Variants in EPB41 observed in about 807,000 individuals in gnomAD.
EPB41 encodes erythrocyte membrane protein band 4.1.
EPB41 carries 65 observed loss-of-function variants against 108.0 expected under a neutral mutation model. The observed-to-expected ratio is 0.60, with a 90% CI of 0.49 to 0.74. The LOEUF is 0.74. Among genes scored for constraint, EPB41 ranks in the 30% least tolerant of loss-of-function variants. The pLI is 0.00. For synonymous variants in EPB41, 336 were observed against 358.9 expected, an observed-to-expected ratio of 0.94 and a Z score of 0.72; for missense variants, 875 against 1,037.0, an observed-to-expected ratio of 0.84 and a Z score of 2.15.
At chr1:28,908,696 C>A (rs1170340230) in intron 1 of EPB41, among the ~76,000 whole-genome samples, 2 of 150,550 alleles carry the variant, frequency 1.3e-5, no homozygotes, top group African/African-American at 4.9e-5. Flanking sequence ...TCCCAAAGTG[C>A]TGGGATTACA....
At chr1:29,012,187 G>A (rs1053057149) in intron 5 of EPB41, among the ~76,000 whole-genome samples, 1 of 151,860 alleles carries the variant, frequency 6.6e-6, no homozygotes, top group East Asian at 1.9e-4. Context: ...AACAGAAGGT[G>A]GAAAAGAACA....
At chr1:28,948,548 A>G (rs2148917007) in intron 1 of EPB41, among the ~76,000 whole-genome samples, 1 of 151,766 alleles carries the variant, frequency 6.6e-6, no homozygotes, top group Non-Finnish European at 1.5e-5. Flanking sequence ...TGAAGCAGCA[A>G]CTATTGGAGG....
At chr1:28,957,104 C>G (rs1228985658) in intron 1 of EPB41, among the ~76,000 whole-genome samples, 1 of 152,236 alleles carries the variant, frequency 6.6e-6, no homozygotes, top group Admixed American at 6.5e-5. Context: ...GAAGCTTTTG[C>G]ATTAAAGCTT....
At position 29,009,392 on chromosome 1, in the gene EPB41, C is replaced by T. The variant is rs572465753; in HGVS notation, c.787-2473C>T. Among the ~76,000 whole-genome samples, 15 of 152,258 alleles carry T rather than the reference C, an allele frequency of 9.9e-5. No individual in the cohort carries two copies. In the South Asian group the frequency reaches 2.9e-3, roughly 29 times the overall value. ...TACCCTGGAGTCTTTATATGATTGACACAAAAGTGGGTTTGCCTTCCCTAT... is the reference window on the plus strand; with the variant it reads ...TACCCTGGAGTCTTTATATGATTGATACAAAAGTGGGTTTGCCTTCCCTAT... On this transcript the variant is annotated intron_variant, in intron 4 of 20. Transcript: ENST00000343067.
chr1:29,092,742 C>A (rs768607017), intron 16 of EPB41, among the ~76,000 whole-genome samples: 55 of 152,166 alleles, frequency 3.6e-4, no homozygotes, highest in Admixed American at 7.9e-4. Flanking sequence ...CTGTTGTTCC[C>A]CTCCTTGTAT....
intron 9 of EPB41, among the ~76,000 whole-genome samples, chr1:29,035,413 A>G (rs926760372): frequency 7.9e-5 from 12 of 152,230 alleles, no homozygotes; most frequent in African/African-American, 2.4e-4. Flanking sequence ...TTTCTATTGC[A>G]TAATAATATT....
chr1:29,021,939 C>T (rs953822904), intron 7 of EPB41, among the ~76,000 whole-genome samples: 3 of 152,026 alleles, frequency 2.0e-5, no homozygotes, highest in East Asian at 1.9e-4. Context: ...TATGATTATT[C>T]GGACTCGGTT....
chr1:28,979,542 G>A (rs765172866), intron 1 of EPB41, among the ~76,000 whole-genome samples: 10 of 151,396 alleles, frequency 6.6e-5, no homozygotes, highest in African/African-American at 1.2e-4. Context: ...TACACTTGTC[G>A]ATATTGAGGT....
intron 1 of EPB41, among the ~76,000 whole-genome samples, chr1:28,963,052 GTGACAGTAGTCTTAAT>G (rs1557834101): frequency 6.6e-6 from 1 of 152,082 alleles, no homozygotes; most frequent in African/African-American, 2.4e-5. Flanking sequence ...TGCTTGGTGA[GTGACAGTAGTCTTAAT>G]TGAACTAAAT....
chr1:29,082,265 C>G (rs1365355748), intron 16 of EPB41, among the ~76,000 whole-genome samples: 1 of 152,040 alleles, frequency 6.6e-6, no homozygotes, highest in Admixed American at 6.6e-5. Context: ...GCTGGGATTA[C>G]AGACACCCGC....
rs759017118 is a variant in EPB41, at chr1:29,039,329, T to C, written c.1539T>C (p.Thr513=). 1 of 1,614,170 alleles carries C rather than the reference T, an allele frequency of 6.2e-7. No individual in the cohort carries two copies. The highest frequency in any genetic ancestry group is 8.5e-7 in the Non-Finnish European group (1 of 1,180,042). ...CCAAATTTCGATACAGTGGCCGGAC[T>C]CAAGCTCAGACCAGGCAAGCTAGTG... ...LGSKFRYSGR[T]QAQTRQASAL... Residue 513 remains threonine (T), a synonymous_variant, in exon 11 of 21, where the codon ACT becomes ACC. Transcript: ENST00000343067.
chr1:29,070,676 A>T, intron 16 of EPB41: 6 of 1,231,546 alleles, frequency 4.9e-6, no homozygotes, highest in Non-Finnish European at 6.1e-6. Flanking sequence ...CTTGGCTTCA[A>T]CTGTGTTATT....
At chr1:28,926,057 ATT>A (rs2148408710) in intron 1 of EPB41, among the ~76,000 whole-genome samples, 1 of 151,662 alleles carries the variant, frequency 6.6e-6, no homozygotes, top group South Asian at 2.1e-4. Context: ...TCAAAAAAAA[ATT>A]ATAGGCCAGA....
At position 29,058,580 on chromosome 1, in the gene EPB41, TA is replaced by T. The variant is rs1238296139; in HGVS notation, c.1846-6del. ...AAATGTTTTTACTACTTTTATTTCT[TA>T]AATGTAGGTGGAAAAAACCCACATC... On this transcript the variant is annotated splice_polypyrimidine_tract_variant and splice_region_variant and intron_variant, in intron 12 of 20. Coordinates refer to ENST00000343067, the MANE Select transcript of EPB41 (RefSeq NM_001376013.1). 1 of 1,612,490 alleles carries T rather than the reference TA, an allele frequency of 6.2e-7. No individual in the cohort carries two copies. Among genetic ancestry groups the T allele is most frequent in the South Asian group, 1.1e-5 (1 of 90,766 alleles).
chr1:28,922,735 C>A (rs2093188154), intron 1 of EPB41, among the ~76,000 whole-genome samples: 1 of 150,480 alleles, frequency 6.6e-6, no homozygotes, highest in African/African-American at 2.5e-5. Flanking sequence ...TCAAGCAATT[C>A]TTCTGCCTCA....
chr1:28,898,892 T>C (rs981883198), intron 1 of EPB41, among the ~76,000 whole-genome samples: 1 of 152,228 alleles, frequency 6.6e-6, no homozygotes, highest in Non-Finnish European at 1.5e-5. Context: ...ATTTTTTTTT[T>C]CCTCTGGGAG....
In EPB41 at chr1:28,938,868, GT is replaced by G. The variant is rs1195719554; in HGVS notation, c.-8+24108del. On this transcript the variant is annotated intron_variant, in intron 1 of 20. Transcript: ENST00000343067. ...GTTAACTTGCTTGTTAGAACTAGTA[GT>G]TTTTTTTGTGTGGATTCCTTAGAAT... is the stretch of plus-strand genomic sequence containing the variant. Among the ~76,000 whole-genome samples, 5 of 151,898 alleles carry G rather than the reference GT, an allele frequency of 3.3e-5. 1 individual carries two copies. The East Asian group carries it at 9.6e-4, about 29-fold the overall frequency.
At chr1:29,008,915 CA>C (rs1268126592) in intron 4 of EPB41, among the ~76,000 whole-genome samples, 2 of 152,148 alleles carry the variant, frequency 1.3e-5, no homozygotes, top group Non-Finnish European at 2.9e-5. Context: ...TTCAAGACTC[CA>C]TTTAGATCCC....
chr1:28,939,377 A>G (rs1032800446), intron 1 of EPB41, among the ~76,000 whole-genome samples: 8 of 151,960 alleles, frequency 5.3e-5, no homozygotes, highest in African/African-American at 9.7e-5. Context: ...ATTGTTTTTT[A>G]TAGCCACTGG....
Sources: gnomAD v4.1 joint callset for allele counts (sites outside exome capture counted in the v4.1 genomes callset) on GRCh38, gnomAD v4.1.1 for gene constraint, MANE v1.5 for transcripts, NCBI Gene and HGNC (gene_info 2026-07-23, HGNC 2026-07-21) for gene names.